The following SCEL variants were observed in gnomAD, a reference collection of about 807,000 sequenced individuals.
SCEL encodes the protein sciellin.
Under a neutral mutation model 117.6 loss-of-function variants are expected in SCEL, and 113 were observed. The ratio of observed to expected loss-of-function variants is 0.96; its 90% confidence interval spans 0.83 to 1.12. SCEL has a LOEUF of 1.12. Ranked by LOEUF, SCEL falls within the 50% of genes most tolerant of loss-of-function variation. The pLI, the probability that SCEL is intolerant of heterozygous loss-of-function variation, is 0.00. For missense variants in SCEL, 785 were observed against 810.8 expected (o/e 0.97, Z 0.39); for synonymous variants, 270 against 256.2 (o/e 1.05, Z -0.51).
Position 77,617,659 on chromosome 13 carries a change from G to T in SCEL, c.1511+1G>T. 2 of 1,579,724 alleles carry T rather than the reference G, an allele frequency of 1.3e-6. No individual in the cohort carries two copies. Among genetic ancestry groups the T allele is most frequent in the South Asian group, 1.1e-5 (1 of 87,734 alleles). On this transcript the variant is annotated splice_donor_variant, in intron 25 of 32. Coordinates refer to ENST00000349847, the MANE Select transcript of SCEL (RefSeq NM_144777.3). LOFTEE classifies it high-confidence loss of function. Reference sequence around the variant, plus strand: ...CTGAAATTTTCACAAACAACCAAAGGTAATAAAACTATGTTGTTTTAATGT... The same window carrying T: ...CTGAAATTTTCACAAACAACCAAAGTTAATAAAACTATGTTGTTTTAATGT...
At position 77,572,209 on chromosome 13, in the gene SCEL, C is replaced by T. The variant is rs1158481578; in HGVS notation, c.545+20C>T. The T allele has an allele frequency of 1.5e-5, 24 of 1,569,216 alleles. No homozygotes were observed. Among genetic ancestry groups the T allele is most frequent in the East Asian group, 9.0e-5 (4 of 44,518 alleles). ...GAGACGGTAAGGGAAAGGTGTCAGG[C>T]GTAATTGCTGTGCCATTAGATGGAA... is the stretch of plus-strand genomic sequence containing the variant. On this transcript the variant is annotated intron_variant, in intron 9 of 32. Coordinates refer to ENST00000349847, the MANE Select transcript of SCEL (RefSeq NM_144777.3).
chr13:77,622,640 T>C (rs887370581), intron 27 of SCEL, among the ~76,000 whole-genome samples: 1 of 152,170 alleles, frequency 6.6e-6, no homozygotes, highest in Non-Finnish European at 1.5e-5. Context: ...GGTGAGAGGA[T>C]GGCTTGAGGC....
chr13:77,612,641 G>A (rs1279064176), intron 22 of SCEL, among the ~76,000 whole-genome samples: 1 of 151,454 alleles, frequency 6.6e-6, no homozygotes, highest in Non-Finnish European at 1.5e-5. Flanking sequence ...GTAAAATAAA[G>A]AGTTTAGGAA....
intron 9 of SCEL, among the ~76,000 whole-genome samples, chr13:77,577,449 A>G (rs1404661504): frequency 2.0e-5 from 3 of 152,100 alleles, no homozygotes; most frequent in Admixed American, 6.5e-5. Flanking sequence ...GAACTCACTC[A>G]CTATCACTAG....
intron 21 of SCEL, among the ~76,000 whole-genome samples, chr13:77,609,798 TAAG>T (rs1281996693): frequency 6.6e-6 from 1 of 152,194 alleles, no homozygotes; most frequent in Non-Finnish European, 1.5e-5. Context: ...TGTAAATCAC[TAAG>T]AAGAGTGCCT....
intron 6 of SCEL, among the ~76,000 whole-genome samples, chr13:77,568,030 T>G (rs1471871394): frequency 6.6e-6 from 1 of 152,226 alleles, no homozygotes; most frequent in Non-Finnish European, 1.5e-5. Context: ...ACATTATTAT[T>G]GTTAAGGAAA....
intron 13 of SCEL, among the ~76,000 whole-genome samples, chr13:77,598,285 CTAT>C (rs1354875951): frequency 6.6e-6 from 1 of 152,182 alleles, no homozygotes; most frequent in African/African-American, 2.4e-5. Context: ...AGCAAGCTCT[CTAT>C]TACTTTGCAT....
chr13:77,551,963 C>G (rs551296825), intron 1 of SCEL, among the ~76,000 whole-genome samples: 1 of 149,512 alleles, frequency 6.7e-6, no homozygotes, highest in Non-Finnish European at 1.5e-5. Context: ...TTTGTTCTTA[C>G]GATAGTTTAC....
intron 1 of SCEL, among the ~76,000 whole-genome samples, chr13:77,539,802 G>T (rs2083605255): frequency 6.6e-6 from 1 of 152,142 alleles, no homozygotes; most frequent in East Asian, 1.9e-4. Context: ...CCAAAGTGCT[G>T]GGATTACAGG....
At chr13:77,621,213 A>G (rs1252447119) in intron 27 of SCEL, among the ~76,000 whole-genome samples, 1 of 152,106 alleles carries the variant, frequency 6.6e-6, no homozygotes, top group East Asian at 1.9e-4. Flanking sequence ...ATTCTGATTA[A>G]ACTCCTTCTG....
chr13:77,633,609 A>G (rs1282947075), intron 28 of SCEL, among the ~76,000 whole-genome samples: 2 of 152,168 alleles, frequency 1.3e-5, no homozygotes, highest in African/African-American at 2.4e-5. Flanking sequence ...GCCCAAGTCA[A>G]TGGGTTCACC....
At chr13:77,644,133 G>A (rs2090688777) in intron 32 of SCEL, 125 bp from the exon 33 acceptor site, 10 of 1,006,230 alleles carry the variant, frequency 9.9e-6, no homozygotes, top group Non-Finnish European at 1.4e-5. Flanking sequence ...GATTATTTCA[G>A]AAGTGGAAGG....
intron 15 of SCEL, chr13:77,600,078 T>C: frequency 3.9e-6 from 1 of 257,806 alleles, no homozygotes; most frequent in Non-Finnish European, 7.5e-6. Context: ...GGTTGGTTTA[T>C]GAACTAAATA....
intron 20 of SCEL, 83 bp from the exon 21 acceptor site, chr13:77,608,975 A>G: frequency 9.1e-7 from 1 of 1,094,820 alleles, no homozygotes; most frequent in Non-Finnish European, 1.3e-6. Context: ...ATTTATCTTG[A>G]GTACATGTAT....
At chr13:77,553,203 C>G (rs959069207) in intron 1 of SCEL, among the ~76,000 whole-genome samples, 3 of 152,208 alleles carry the variant, frequency 2.0e-5, no homozygotes, top group Non-Finnish European at 4.4e-5. Flanking sequence ...CTCCCAGATG[C>G]TGGGAATAGA....
intron 9 of SCEL, 92 bp downstream of exon 9, chr13:77,572,281 A>C (rs1203723756): frequency 4.8e-6 from 5 of 1,042,610 alleles, no homozygotes; most frequent in Non-Finnish European, 7.2e-6. Context: ...GTTTTGGGAT[A>C]AATTGGAGGC....
chr13:77,554,863 A>G (rs1223121416), intron 1 of SCEL, among the ~76,000 whole-genome samples: 2 of 152,070 alleles, frequency 1.3e-5, no homozygotes, highest in Non-Finnish European at 2.9e-5. Flanking sequence ...AAAGGACATA[A>G]TACCCCACCT....
intron 9 of SCEL, among the ~76,000 whole-genome samples, chr13:77,576,416 T>C (rs1024910325): frequency 2.6e-5 from 4 of 152,092 alleles, no homozygotes; most frequent in Admixed American, 2.0e-4. Context: ...CCATTAAATA[T>C]TGATGCTCCT....
intron 1 of SCEL, among the ~76,000 whole-genome samples, chr13:77,547,366 TAAAA>T (rs901905205): frequency 6.6e-6 from 1 of 152,194 alleles, no homozygotes; most frequent in East Asian, 1.9e-4. Flanking sequence ...TTTTTTAAAA[TAAAA>T]AAATTCATGA....
Sources: allele counts gnomAD v4.1 joint callset (sites outside exome capture counted in the v4.1 genomes callset), GRCh38; gene constraint gnomAD v4.1.1; transcripts MANE v1.5; gene names NCBI Gene and HGNC (gene_info 2026-07-23, HGNC 2026-07-21).